Variants in MCF2L2 observed in about 807,000 individuals in gnomAD.
The protein encoded by MCF2L2 is probable guanine nucleotide exchange factor MCF2L2.
A neutral mutation model predicts 150.2 loss-of-function variants in MCF2L2; 102 were observed. The observed-to-expected ratio is 0.68, with a 90% CI of 0.58 to 0.80. The LOEUF (loss-of-function observed/expected upper bound fraction) is 0.80, where lower values mean the gene tolerates loss of function less well. Ranked by LOEUF, MCF2L2 falls within the 30% of genes least tolerant of loss-of-function variation. The probability of loss-of-function intolerance (pLI) is 0.00; values close to 1 mark genes in which losing one functional copy is unlikely to be tolerated. For missense variants in MCF2L2, 1,256 were observed against 1,372.8 expected (o/e 0.91, Z 1.34); for synonymous variants, 465 against 491.3 (o/e 0.95, Z 0.71).
At position 183,289,125 on chromosome 3, in the gene MCF2L2, C is replaced by T. The variant is rs561396974; in HGVS notation, c.1771G>A (p.Val591Ile). 5.6e-6 allele frequency: 9 copies of T among 1,609,388 alleles called. No individual in the cohort carries two copies. The South Asian group carries it at 7.7e-5, about 14-fold the overall frequency. The change falls in exon 14 of 30, where the codon GTC (valine) becomes ATC (isoleucine). Residue 591 changes from valine (V) to isoleucine (I), a missense_variant. By Grantham distance (29) the Val-to-Ile change is conservative. Coordinates refer to ENST00000328913, the MANE Select transcript of MCF2L2 (RefSeq NM_015078.4). The stretch of plus-strand genomic sequence containing the variant: ...TAAAATAAAGGTAATTTTACCTTGA[C>T]TTCAAATTTAGTCTCATCATCTTCC... ...GKEDDETKFE[V>I]KSEEIFESHH...
rs184093205 is a variant in MCF2L2, at chr3:183,366,367, G to A, written c.275+12930C>T. On this transcript the variant is annotated intron_variant, in intron 3 of 29. Coordinates refer to ENST00000328913, the MANE Select transcript of MCF2L2 (RefSeq NM_015078.4). ...GTTAAGATTTATTTACCGGCTGGGC[G>A]CGGTGGCTCATGTCTGTAATCCCAG... 6.5e-3 allele frequency among the ~76,000 whole-genome samples: 989 copies of A among 152,262 alleles called. 6 individuals are homozygous for A. The highest frequency in any genetic ancestry group is 0.023 in the African/African-American group (954 of 41,530).
intron 10 of MCF2L2, among the ~76,000 whole-genome samples, chr3:183,306,880 C>A (rs549303812): frequency 6.6e-6 from 1 of 152,230 alleles, no homozygotes; most frequent in Non-Finnish European, 1.5e-5. Flanking sequence ...TTCCTCCACC[C>A]TGTCCTGGTC....
In MCF2L2 at chr3:183,300,051, C is replaced by T. The variant is rs757974939; in HGVS notation, c.1259G>A (p.Trp420Ter). 1 of 1,613,746 alleles carries T rather than the reference C, an allele frequency of 6.2e-7. No homozygotes were observed. Among genetic ancestry groups the T allele is most frequent in the South Asian group, 1.1e-5 (1 of 91,024 alleles). The stretch of plus-strand genomic sequence containing the variant: ...CTCTAAGGACTTTCCTAAAATGTCC[C>T]ATTTTTTCTTGTTTCCATTGATGAA... ...DDFINGNKKK[W>*]DILGKSLEFH... The change falls in exon 11 of 30, where the codon TGG becomes TAG. Residue 420 changes from tryptophan to a stop codon, truncating the protein, a stop_gained. Transcript: ENST00000328913. LOFTEE classifies it high-confidence loss of function.
At position 183,283,451 on chromosome 3, in the gene MCF2L2, CCT is replaced by C. The variant is rs2108470015; in HGVS notation, c.1776+5667_1776+5668del. ...CCCAGGATAGCCTAGGCCCTTTAGA[CCT>C]CTGAGATGTTATACCCTTCCTCATT... On this transcript the variant is annotated intron_variant, in intron 14 of 29. Transcript: ENST00000328913. This position sits in a 1 kb window ranked among gnomAD's most constrained non-coding sequence, Gnocchi z 4.2. Among the ~76,000 whole-genome samples, 1 of 152,214 alleles carries C rather than the reference CCT, an allele frequency of 6.6e-6. No homozygotes were observed. The highest frequency in any genetic ancestry group is 1.9e-4 in the East Asian group (1 of 5,178).
At chr3:183,209,660 T>G (rs1020195644) in intron 22 of MCF2L2, among the ~76,000 whole-genome samples, 43 of 152,216 alleles carry the variant, frequency 2.8e-4, no homozygotes, top group African/African-American at 9.4e-4. Context: ...GGCTAATTTT[T>G]GTATTTTTAG....
At chr3:183,407,940 G>A (rs1020503257) in intron 1 of MCF2L2, among the ~76,000 whole-genome samples, 1 of 152,134 alleles carries the variant, frequency 6.6e-6, no homozygotes, top group Non-Finnish European at 1.5e-5. Flanking sequence ...AGATGCTATG[G>A]GGTATGGGAG....
At chr3:183,311,985 A>C (rs562790838) in intron 7 of MCF2L2, among the ~76,000 whole-genome samples, 101 of 152,312 alleles carry the variant, frequency 6.6e-4, no homozygotes, top group Non-Finnish European at 1.2e-3. Context: ...GTATACATCA[A>C]AAAAAGTATA....
intron 3 of MCF2L2, 22 bp downstream of exon 3, chr3:183,379,275 C>G: frequency 3.2e-6 from 5 of 1,562,716 alleles, no homozygotes; most frequent in Non-Finnish European, 3.5e-6. Context: ...CCTAAGGCGG[C>G]AGGACACTGT....
At position 183,305,857 on chromosome 3, in the gene MCF2L2, A is replaced by G. The variant is rs147062372; in HGVS notation, c.1113+3859T>C. Among the ~76,000 whole-genome samples, 2 of 152,300 alleles carry G rather than the reference A, an allele frequency of 1.3e-5. No individual in the cohort carries two copies. The highest frequency in any genetic ancestry group is 4.8e-5 in the African/African-American group (2 of 41,564). On this transcript the variant is annotated intron_variant, in intron 10 of 29. Coordinates refer to ENST00000328913, the MANE Select transcript of MCF2L2 (RefSeq NM_015078.4). The surrounding 1 kb of genome is among the most constrained non-coding windows in gnomAD (Gnocchi z 4.1). ...AGAGTGAAACTCCGTCTCAAAAAAA[A>G]GGGCAACTAAGGAGCAACCCGGATT...
At chr3:183,301,273 CA>C (rs1402977483) in intron 10 of MCF2L2, among the ~76,000 whole-genome samples, 1 of 152,102 alleles carries the variant, frequency 6.6e-6, no homozygotes, top group African/African-American at 2.4e-5. Flanking sequence ...AGAAAGCAGG[CA>C]AAAACCCCCA....
intron 25 of MCF2L2, 58 bp downstream of exon 25, chr3:183,205,818 C>A: frequency 7.8e-7 from 1 of 1,279,144 alleles, no homozygotes; most frequent in South Asian, 1.2e-5. Flanking sequence ...TTTGCACATC[C>A]CCCACTGAGC....
At chr3:183,334,539 G>A (rs1730392115) in intron 5 of MCF2L2, among the ~76,000 whole-genome samples, 1 of 151,968 alleles carries the variant, frequency 6.6e-6, no homozygotes, top group South Asian at 2.1e-4. Flanking sequence ...TGTAATACCG[G>A]CACTTTGGGA....
intron 3 of MCF2L2, among the ~76,000 whole-genome samples, chr3:183,357,995 A>G (rs1332383347): frequency 1.3e-5 from 2 of 152,224 alleles, no homozygotes; most frequent in African/African-American, 2.4e-5. Context: ...ACAGAAGAGT[A>G]TGGTATTAGT....
intron 1 of MCF2L2, among the ~76,000 whole-genome samples, chr3:183,417,703 T>G (rs1353640291): frequency 6.6e-6 from 1 of 152,200 alleles, no homozygotes; most frequent in Admixed American, 6.5e-5. Context: ...ACTATGTTAG[T>G]CCGTTTTCAC....
chr3:183,415,985 T>C (rs1453002892), intron 1 of MCF2L2, among the ~76,000 whole-genome samples: 1 of 152,148 alleles, frequency 6.6e-6, no homozygotes, highest in Non-Finnish European at 1.5e-5. Context: ...AAATTTCTAG[T>C]ATAGCATTTT....
chr3:183,251,616 T>C (rs1724536916), intron 15 of MCF2L2, among the ~76,000 whole-genome samples: 1 of 152,210 alleles, frequency 6.6e-6, no homozygotes. Context: ...TTCTTCATGC[T>C]GGCCAAGTCA....
In MCF2L2 at chr3:183,197,856, G is replaced by A. The variant is rs184894334; in HGVS notation, c.2885-2601C>T. 1.8e-4 allele frequency among the ~76,000 whole-genome samples: 27 copies of A among 152,224 alleles called. No individual in the cohort carries two copies. Among genetic ancestry groups the A allele is most frequent in the Non-Finnish European group, 3.1e-4 (21 of 68,014 alleles). ...AGATGCTCAACCATTAGTTACTAGGGAAAAGCAAATTAAAACCTAATGACA... is the reference window on the plus strand; with the variant it reads ...AGATGCTCAACCATTAGTTACTAGGAAAAAGCAAATTAAAACCTAATGACA... On this transcript the variant is annotated intron_variant, in intron 25 of 29. Coordinates refer to ENST00000328913, the MANE Select transcript of MCF2L2 (RefSeq NM_015078.4). This position sits in a 1 kb window ranked among gnomAD's most constrained non-coding sequence, Gnocchi z 4.5.
chr3:183,380,603 C>T lies in MCF2L2; in HGVS notation c.161-1192G>A, dbSNP rs367597493. Among the ~76,000 whole-genome samples the T allele has an allele frequency of 9.9e-5, 15 of 152,008 alleles. 1 individual carries two copies. In the East Asian group the frequency reaches 1.7e-3, roughly 18 times the overall value. ...TTTTAGTAGAGACGGGGTTTCATCA[C>T]GTTGGCCAGGCTGGTCTCAAACTCC... On this transcript the variant is annotated intron_variant, in intron 2 of 29. Coordinates refer to ENST00000328913, the MANE Select transcript of MCF2L2 (RefSeq NM_015078.4).
intron 15 of MCF2L2, among the ~76,000 whole-genome samples, chr3:183,249,846 T>A (rs1301749314): frequency 2.0e-5 from 3 of 152,318 alleles, no homozygotes; most frequent in African/African-American, 7.2e-5. Context: ...GTGGAAGTGC[T>A]ATGCAAAAAT....
Sources: allele counts gnomAD v4.1 joint callset (sites outside exome capture counted in the v4.1 genomes callset), GRCh38; gene constraint gnomAD v4.1.1; non-coding constraint Gnocchi (gnomAD v3.1); transcripts MANE v1.5; gene names NCBI Gene and HGNC (gene_info 2026-07-23, HGNC 2026-07-21).